The following NRG3 variants were observed in gnomAD, a reference collection of about 807,000 sequenced individuals.
NRG3 encodes pro-neuregulin-3, membrane-bound isoform.
In NRG3, 31 loss-of-function variants were observed where a neutral mutation model predicts 66.9. The ratio of observed to expected loss-of-function variants is 0.46; its 90% confidence interval spans 0.35 to 0.63. The LOEUF is 0.63. NRG3 is among the 20% of genes least tolerant of loss of function. NRG3 has a pLI of 0.00. For synonymous variants in NRG3, 393 were observed against 359.4 expected (o/e 1.09, Z -1.06); for missense variants, 910 against 878.9 (o/e 1.04, Z -0.45).
At chr10:82,393,753 T>A (rs1196916499) in intron 2 of NRG3, among the ~76,000 whole-genome samples, 1 of 152,156 alleles carries the variant, frequency 6.6e-6, no homozygotes. Flanking sequence ...GGCGTAGATG[T>A]GGGCCCCTGG....
chr10:82,720,788 A>G (rs1318641995), intron 2 of NRG3, among the ~76,000 whole-genome samples: 1 of 126,360 alleles, frequency 7.9e-6, no homozygotes, highest in Non-Finnish European at 1.6e-5. Context: ...TAAGTAAAAC[A>G]CATATATAGG....
At chr10:82,212,520 G>T (rs2075448297) in intron 1 of NRG3, among the ~76,000 whole-genome samples, 1 of 152,160 alleles carries the variant, frequency 6.6e-6, no homozygotes, top group African/African-American at 2.4e-5. Flanking sequence ...GACAATGAAA[G>T]TTCCAAAAAA....
At chr10:82,032,080 T>A (rs2062594238) in intron 1 of NRG3, among the ~76,000 whole-genome samples, 1 of 151,734 alleles carries the variant, frequency 6.6e-6, no homozygotes, top group African/African-American at 2.4e-5. Context: ...AAATATTGGT[T>A]ATGGGGTATT....
intron 2 of NRG3, among the ~76,000 whole-genome samples, chr10:82,653,730 C>A (rs1392747450): frequency 1.3e-5 from 2 of 151,500 alleles, no homozygotes; most frequent in East Asian, 3.9e-4. Context: ...AGGGGGAAAG[C>A]AGCAGAGGAA....
At chr10:82,982,119 T>G (rs1160486801) in intron 8 of NRG3, among the ~76,000 whole-genome samples, 2 of 152,204 alleles carry the variant, frequency 1.3e-5, no homozygotes, top group Non-Finnish European at 2.9e-5. Flanking sequence ...CATTTATGGC[T>G]GATGATTTGT....
At chr10:82,391,040 T>C (rs1030138577) in intron 2 of NRG3, among the ~76,000 whole-genome samples, 1 of 152,186 alleles carries the variant, frequency 6.6e-6, no homozygotes, top group Non-Finnish European at 1.5e-5. Flanking sequence ...GTCTATGTAA[T>C]TACTAAACAA....
At chr10:82,180,367 T>C (rs1236890198) in intron 1 of NRG3, among the ~76,000 whole-genome samples, 1 of 151,970 alleles carries the variant, frequency 6.6e-6, no homozygotes, top group Non-Finnish European at 1.5e-5. Flanking sequence ...AATATGTTGC[T>C]AGTGGTGAGC....
intron 2 of NRG3, among the ~76,000 whole-genome samples, chr10:82,655,489 C>T (rs1414274706): frequency 3.3e-5 from 5 of 152,084 alleles, no homozygotes; most frequent in African/African-American, 1.2e-4. Flanking sequence ...CATGAATTTT[C>T]CTTCATCCAA....
At chr10:82,131,552 T>A (rs2068820000) in intron 1 of NRG3, among the ~76,000 whole-genome samples, 1 of 152,142 alleles carries the variant, frequency 6.6e-6, no homozygotes, top group African/African-American at 2.4e-5. Flanking sequence ...AAATTTAGGA[T>A]TATTTTTTCT....
intron 1 of NRG3, among the ~76,000 whole-genome samples, chr10:81,934,481 A>G (rs570417947): frequency 6.5e-4 from 99 of 152,180 alleles, no homozygotes; most frequent in Non-Finnish European, 1.2e-3. Flanking sequence ...CTATCATACA[A>G]CAATGGAAAT....
At chr10:82,365,608 A>G (rs2084470207) in intron 2 of NRG3, among the ~76,000 whole-genome samples, 1 of 152,194 alleles carries the variant, frequency 6.6e-6, no homozygotes, top group African/African-American at 2.4e-5. Context: ...TAATTCCATG[A>G]CACTTAAGCA....
intron 1 of NRG3, among the ~76,000 whole-genome samples, chr10:81,882,486 G>A (rs943070953): frequency 4.6e-5 from 7 of 152,104 alleles, no homozygotes; most frequent in Non-Finnish European, 4.4e-5. Context: ...ACCTCTAGCC[G>A]TGAATTCTAT....
intron 2 of NRG3, among the ~76,000 whole-genome samples, chr10:82,541,469 G>A (rs1027485639): frequency 4.6e-5 from 7 of 152,106 alleles, no homozygotes; most frequent in Admixed American, 2.0e-4. Context: ...CTCTAAGGGG[G>A]TCCATGTGAG....
intron 1 of NRG3, among the ~76,000 whole-genome samples, chr10:82,220,140 G>A (rs1313133718): frequency 1.3e-5 from 2 of 151,894 alleles, no homozygotes; most frequent in Non-Finnish European, 2.9e-5. Context: ...AAAACCAAGA[G>A]TGGGAAGATA....
chr10:82,419,973 G>A (rs548473169), intron 2 of NRG3, among the ~76,000 whole-genome samples: 1 of 152,148 alleles, frequency 6.6e-6, no homozygotes, highest in East Asian at 1.9e-4. Flanking sequence ...CTCTAGGAAG[G>A]TGTGATCCAG....
intron 3 of NRG3, among the ~76,000 whole-genome samples, chr10:82,860,128 C>G (rs1039754791): frequency 6.6e-6 from 1 of 152,108 alleles, no homozygotes; most frequent in Non-Finnish European, 1.5e-5. Flanking sequence ...TTCAACTAGG[C>G]CAGCCTCGTT....
rs183871579 is a variant in NRG3, at chr10:81,952,207, G to A, written c.823+76044G>A. 4.4e-3 allele frequency among the ~76,000 whole-genome samples: 673 copies of A among 152,218 alleles called. 4 individuals carry two copies. Among genetic ancestry groups the A allele is most frequent in the African/African-American group, 0.015 (631 of 41,510 alleles). On this transcript the variant is annotated intron_variant, in intron 1 of 8. Coordinates refer to ENST00000372141, the MANE Select transcript of NRG3 (RefSeq NM_001010848.4). ...GTATGCATATGTAACTAACCTGCAC[G>A]TTGTGCACATGTACCCTAAAACTTA...
intron 3 of NRG3, among the ~76,000 whole-genome samples, chr10:82,844,884 G>T (rs931862857): frequency 1.3e-5 from 2 of 152,140 alleles, no homozygotes; most frequent in East Asian, 3.9e-4. Context: ...GCCAGGAGTG[G>T]TTGCTCACGC....
chr10:82,609,214 A>C (rs2133475552), intron 2 of NRG3, among the ~76,000 whole-genome samples: 1 of 152,272 alleles, frequency 6.6e-6, no homozygotes, highest in Middle Eastern at 3.4e-3. Context: ...ATCACTAATA[A>C]GCTTTGTTAG....
Sources: gnomAD v4.1 joint callset for allele counts (sites outside exome capture counted in the v4.1 genomes callset) on GRCh38, gnomAD v4.1.1 for gene constraint, MANE v1.5 for transcripts, NCBI Gene and HGNC (gene_info 2026-07-23, HGNC 2026-07-21) for gene names.